Variants in MBP observed in about 807,000 individuals in gnomAD.
MBP encodes the protein myelin basic protein.
Under a neutral mutation model 35.8 loss-of-function variants are expected in MBP, and 16 were observed. The observed-to-expected ratio is 0.45, with a 90% CI of 0.30 to 0.68. The LOEUF is 0.68. MBP is among the 30% of genes least tolerant of loss of function. The probability of loss-of-function intolerance (pLI) is 0.08; values close to 1 mark genes in which losing one functional copy is unlikely to be tolerated. For missense variants in MBP, 380 were observed against 404.7 expected (o/e 0.94, Z 0.52); for synonymous variants, 143 against 159.6 (o/e 0.90, Z 0.78).
chr18:77,102,690 T>C lies in MBP; in HGVS notation c.51+2521A>G, dbSNP rs1199941600. 6.6e-6 allele frequency among the ~76,000 whole-genome samples: 1 copy of C among 152,246 alleles called. No homozygotes were observed. The highest frequency in any genetic ancestry group is 6.5e-5 in the Admixed American group (1 of 15,282). Reference sequence around the variant, plus strand: ...AAATTAAAAACATATGTGGGTGTTTTACAGCGTCAAACAACAGGAAAGAAA... The same window carrying C: ...AAATTAAAAACATATGTGGGTGTTTCACAGCGTCAAACAACAGGAAAGAAA... On this transcript the variant is annotated intron_variant, in intron 2 of 8. Coordinates refer to ENST00000355994, the MANE Select transcript of MBP (RefSeq NM_001025101.2). The surrounding 1 kb of genome is among the most constrained non-coding windows in gnomAD (Gnocchi z 4.4).
At chr18:77,079,937 C>T (rs1974823744) in intron 2 of MBP, among the ~76,000 whole-genome samples, 1 of 152,202 alleles carries the variant, frequency 6.6e-6, no homozygotes, top group African/African-American at 2.4e-5. Context: ...TTGAACGGTT[C>T]TTCACCAACT....
intron 3 of MBP, among the ~76,000 whole-genome samples, chr18:77,026,702 C>CA (rs1209527598): frequency 1.1e-4 from 16 of 151,672 alleles, no homozygotes; most frequent in Non-Finnish European, 1.5e-5. Context: ...CTTGTCTTTA[C>CA]AAAAAAAATT....
chr18:77,031,732 G>C (rs768959099), intron 3 of MBP, among the ~76,000 whole-genome samples: 10 of 152,240 alleles, frequency 6.6e-5, no homozygotes, highest in African/African-American at 9.6e-5. Context: ...CACGAGGAGG[G>C]CATTGCCCGT....
intron 2 of MBP, chr18:77,068,985 T>C: frequency 2.1e-6 from 1 of 480,352 alleles, no homozygotes; most frequent in Non-Finnish European, 4.2e-6. Flanking sequence ...CCTCGGGGCC[T>C]CTGACCTCAC....
intron 4 of MBP, among the ~76,000 whole-genome samples, chr18:77,001,885 T>G (rs982239722): frequency 3.3e-5 from 5 of 151,476 alleles, no homozygotes; most frequent in African/African-American, 1.2e-4. Flanking sequence ...GTAAGAAAGT[T>G]CCTGCTCATC....
chr18:77,071,559 A>G (rs1974449506), intron 2 of MBP, among the ~76,000 whole-genome samples: 1 of 152,218 alleles, frequency 6.6e-6, no homozygotes. Context: ...AACCAGGGAC[A>G]GAAACTAAGA....
chr18:77,074,691 G>C (rs1974585217), intron 2 of MBP, among the ~76,000 whole-genome samples: 1 of 152,170 alleles, frequency 6.6e-6, no homozygotes, highest in Non-Finnish European at 1.5e-5. Context: ...CGGAACCAAA[G>C]TCCACGATTT....
chr18:77,055,312 T>G (rs550979017), intron 3 of MBP, among the ~76,000 whole-genome samples: 10 of 152,254 alleles, frequency 6.6e-5, no homozygotes, highest in Admixed American at 1.3e-4. Context: ...GGAAGTGGCT[T>G]TGTACCAACT....
Position 77,044,758 on chromosome 18 carries a change from T to C in MBP, c.139+21540A>G, listed in dbSNP as rs1325620389. On this transcript the variant is annotated intron_variant, in intron 3 of 8. Transcript: ENST00000355994. The surrounding 1 kb of genome is among the most constrained non-coding windows in gnomAD (Gnocchi z 4.4). ...TTAACTCATAAAAGGAGAAGAAAAATGTTCATTTAGAAAAGTTGTATCTGT... is the reference window on the plus strand; with the variant it reads ...TTAACTCATAAAAGGAGAAGAAAAACGTTCATTTAGAAAAGTTGTATCTGT... Among the ~76,000 whole-genome samples the C allele has an allele frequency of 1.3e-5, 2 of 152,132 alleles. No individual in the cohort carries two copies. Among genetic ancestry groups the C allele is most frequent in the Non-Finnish European group, 2.9e-5 (2 of 68,024 alleles).
chr18:77,097,343 CTCT>C (rs1975800700), intron 2 of MBP: 1 of 152,304 alleles, frequency 6.6e-6, no homozygotes, highest in Non-Finnish European at 1.5e-5. Flanking sequence ...GAACCCATCT[CTCT>C]TCTTGGCTCT....
Position 77,066,341 on chromosome 18 carries a change from C to G in MBP, c.96G>C (p.Leu32=), listed in dbSNP as rs745603554. ...CTGAGGTTGTCCGTGAAAGTTCACC[C>G]AGGTTTCTCTTTTTTTCAGATTCTC... ...NRGESEKKRN[L]GELSRTTSED... Residue 32 remains leucine, a synonymous_variant, in exon 3 of 9, where the codon CTG becomes CTC. Transcript: ENST00000355994. 2.5e-6 allele frequency: 4 copies of G among 1,614,098 alleles called. No individual in the cohort carries two copies. In the Admixed American group the frequency reaches 6.7e-5, roughly 27 times the overall value.
intron 3 of MBP, among the ~76,000 whole-genome samples, chr18:77,018,565 C>T (rs1281794838): frequency 6.7e-5 from 10 of 149,642 alleles, no homozygotes; most frequent in Admixed American, 5.9e-4. Context: ...ATCCCCCATC[C>T]ACTCATCCAT....
intron 2 of MBP, among the ~76,000 whole-genome samples, chr18:77,070,775 C>T (rs1017688274): frequency 7.2e-5 from 11 of 152,226 alleles, no homozygotes; most frequent in South Asian, 2.1e-4. Context: ...ATTGTGGAAG[C>T]GCAATTCAGT....
chr18:76,999,067 C>T (rs1303876283), intron 4 of MBP, among the ~76,000 whole-genome samples: 1 of 151,698 alleles, frequency 6.6e-6, no homozygotes, highest in Admixed American at 6.6e-5. Flanking sequence ...GGAGTGGGCA[C>T]TTATCATTCT....
chr18:77,065,590 C>T (rs1162896980), intron 3 of MBP, among the ~76,000 whole-genome samples: 1 of 152,192 alleles, frequency 6.6e-6, no homozygotes, highest in Non-Finnish European at 1.5e-5. Context: ...CCTTCTGAGT[C>T]ACTCTTTGTG....
chr18:76,992,449 G>C (rs972254719), intron 4 of MBP, among the ~76,000 whole-genome samples: 1 of 152,110 alleles, frequency 6.6e-6, no homozygotes, highest in Non-Finnish European at 1.5e-5. Context: ...GCCACAGAGC[G>C]GTACCGGTCC....
At position 77,102,999 on chromosome 18, in the gene MBP, C is replaced by T. The variant is rs1033242498; in HGVS notation, c.51+2212G>A. On this transcript the variant is annotated intron_variant, in intron 2 of 8. Transcript: ENST00000355994. This position sits in a 1 kb window ranked among gnomAD's most constrained non-coding sequence, Gnocchi z 4.4. ...CTGAACAAAATAATGAGTCACCCTC[C>T]CATTCAACATTGACTAGAACCATTT... Among the ~76,000 whole-genome samples the T allele has an allele frequency of 6.6e-6, 1 of 152,092 alleles. No individual in the cohort carries two copies. The highest frequency in any genetic ancestry group is 2.4e-5 in the African/African-American group (1 of 41,424).
chr18:77,091,611 CCA>C (rs966550748), intron 2 of MBP, among the ~76,000 whole-genome samples: 28 of 147,008 alleles, frequency 1.9e-4, no homozygotes, highest in African/African-American at 6.5e-4. Context: ...ACACACACAC[CCA>C]CCCACCCACA....
At chr18:77,091,898 A>G (rs1235016542) in intron 2 of MBP, among the ~76,000 whole-genome samples, 1 of 152,194 alleles carries the variant, frequency 6.6e-6, no homozygotes, top group Non-Finnish European at 1.5e-5. Flanking sequence ...AGTTACAAAC[A>G]CAGAGATATA....
Sources: gnomAD v4.1 joint callset for allele counts (sites outside exome capture counted in the v4.1 genomes callset) on GRCh38, gnomAD v4.1.1 for gene constraint, Gnocchi (gnomAD v3.1) non-coding constraint, MANE v1.5 for transcripts, NCBI Gene and HGNC (gene_info 2026-07-23, HGNC 2026-07-21) for gene names.